Variants in MAP4K3 observed in about 807,000 individuals in gnomAD.
MAP4K3 encodes MAPK/ERK kinase kinase kinase 3.
MAP4K3 carries 94 observed loss-of-function variants against 143.5 expected under a neutral mutation model. The ratio of observed to expected loss-of-function variants is 0.65; its 90% CI spans 0.55 to 0.78. The LOEUF (loss-of-function observed/expected upper bound fraction) is 0.78. MAP4K3 is among the 30% of genes least tolerant of loss of function. The pLI, the probability that MAP4K3 is intolerant of heterozygous loss-of-function variation, is 0.00. For missense variants in MAP4K3, 1,077 were observed against 1,068.1 expected (o/e 1.01, Z -0.12); for synonymous variants, 416 against 347.2 (o/e 1.20, Z -2.20).
intron 1 of MAP4K3, among the ~76,000 whole-genome samples, chr2:39,391,406 T>C (rs1164457876): frequency 7.3e-6 from 1 of 137,262 alleles, no homozygotes; most frequent in Non-Finnish European, 1.6e-5. Flanking sequence ...ATATATACTA[T>C]ACTCTCCTCC....
At chr2:39,321,291 C>T (rs77184743) in intron 12 of MAP4K3, among the ~76,000 whole-genome samples, 1 of 152,046 alleles carries the variant, frequency 6.6e-6, no homozygotes, top group East Asian at 1.9e-4. Flanking sequence ...TCTTATTACC[C>T]CCCAACCCCG....
At chr2:39,290,188 T>G in intron 19 of MAP4K3, 104 bp downstream of exon 19, 1 of 779,404 alleles carries the variant, frequency 1.3e-6, no homozygotes, top group South Asian at 2.3e-5. Context: ...TTCATGATTT[T>G]TCTTTGTGGA....
intron 31 of MAP4K3, among the ~76,000 whole-genome samples, chr2:39,258,006 A>T (rs1005051671): frequency 6.6e-6 from 1 of 151,934 alleles, no homozygotes; most frequent in Non-Finnish European, 1.5e-5. Context: ...ATCTCAACTC[A>T]TTGCAACCTC....
chr2:39,253,344 G>A (rs1680221303), intron 32 of MAP4K3, among the ~76,000 whole-genome samples: 1 of 152,166 alleles, frequency 6.6e-6, no homozygotes, highest in Non-Finnish European at 1.5e-5. Flanking sequence ...ATGTTGGCCA[G>A]GCTGGTTTTG....
intron 28 of MAP4K3, 113 bp downstream of exon 28, chr2:39,265,090 T>C: frequency 2.5e-6 from 2 of 803,336 alleles, no homozygotes; most frequent in Non-Finnish European, 4.0e-6. Flanking sequence ...TGCCACATTA[T>C]CTAAAATCAC....
At chr2:39,432,738 T>C (rs1057188738) in intron 1 of MAP4K3, among the ~76,000 whole-genome samples, 1 of 152,242 alleles carries the variant, frequency 6.6e-6, no homozygotes, top group Admixed American at 6.5e-5. Flanking sequence ...CACGTAATTA[T>C]CTAAATGCAT....
intron 2 of MAP4K3, among the ~76,000 whole-genome samples, chr2:39,373,813 G>T (rs966779286): frequency 6.6e-6 from 1 of 152,116 alleles, no homozygotes; most frequent in Non-Finnish European, 1.5e-5. Context: ...CTTGGTGGGG[G>T]GGTAGAAGGG....
intron 1 of MAP4K3, among the ~76,000 whole-genome samples, chr2:39,435,112 C>T (rs1665417316): frequency 6.6e-6 from 1 of 152,110 alleles, no homozygotes; most frequent in Admixed American, 6.5e-5. Flanking sequence ...AAGCGAACTC[C>T]CCCAACCAGT....
At chr2:39,309,714 C>T (rs571391089) in intron 13 of MAP4K3, among the ~76,000 whole-genome samples, 195 bp from the exon 14 acceptor site, 5 of 151,726 alleles carry the variant, frequency 3.3e-5, no homozygotes, top group Admixed American at 1.3e-4. Flanking sequence ...CCCTCCACCA[C>T]GCCCGGCTGA....
In MAP4K3 at chr2:39,385,796, AT is replaced by A. The variant is rs533314271; in HGVS notation, c.97-7674del. 2.7e-3 allele frequency among the ~76,000 whole-genome samples: 402 copies of A among 151,394 alleles called. 3 individuals are homozygous for A. The highest frequency in any genetic ancestry group is 4.5e-3 in the Admixed American group (68 of 15,190). On this transcript the variant is annotated intron_variant, in intron 1 of 33. Coordinates refer to ENST00000263881, the MANE Select transcript of MAP4K3 (RefSeq NM_003618.4). ...AAGCAACTGCCACCACACCCGGCTA[AT>A]TTTTTTGTATTTTTAGTAGAGATGA...
chr2:39,330,132 C>T (rs1214042731), intron 8 of MAP4K3, among the ~76,000 whole-genome samples: 1 of 151,998 alleles, frequency 6.6e-6, no homozygotes, highest in Admixed American at 6.6e-5. Context: ...CTTCCCAAAA[C>T]TGAAAAGACA....
chr2:39,321,513 T>C (rs554580104), intron 12 of MAP4K3, among the ~76,000 whole-genome samples: 1 of 152,234 alleles, frequency 6.6e-6, no homozygotes, highest in East Asian at 1.9e-4. Flanking sequence ...TTTCTCCCCA[T>C]GTGATAGTCT....
At chr2:39,281,187 A>G (rs1681511400) in intron 22 of MAP4K3, among the ~76,000 whole-genome samples, 1 of 152,204 alleles carries the variant, frequency 6.6e-6, no homozygotes, top group Admixed American at 6.5e-5. Context: ...TGTTGGCCTA[A>G]ATTAAAAGAA....
At chr2:39,370,738 C>A (rs1666058095) in intron 2 of MAP4K3, among the ~76,000 whole-genome samples, 1 of 152,154 alleles carries the variant, frequency 6.6e-6, no homozygotes, top group South Asian at 2.1e-4. Flanking sequence ...GAATGAGTTT[C>A]CCCATTTAGA....
chr2:39,410,983 A>G (rs1262310879), intron 1 of MAP4K3, among the ~76,000 whole-genome samples: 1 of 152,204 alleles, frequency 6.6e-6, no homozygotes, highest in East Asian at 1.9e-4. Context: ...AAAGAACAAA[A>G]TATTTTGATA....
rs757054730 is a variant in MAP4K3, at chr2:39,326,156, G to T, written c.652C>A (p.His218Asn). 1.9e-6 allele frequency: 3 copies of T among 1,613,448 alleles called. No homozygotes were observed. Among genetic ancestry groups the T allele is most frequent in the Admixed American group, 1.7e-5 (1 of 59,918 alleles). The change falls in exon 9 of 34, where the codon CAC (histidine) becomes AAC (asparagine). Residue 218 changes from histidine (H) to asparagine (N), a missense_variant. His to Asn is a moderately conservative substitution (Grantham distance 68, BLOSUM62 1). Around this residue, in one of 2 missense-constraint regions of MAP4K3, gnomAD observed 864 missense variants for 801.2 expected, o/e 1.08. Transcript: ENST00000263881. ...TGATGATGCACTGACCTCATTGGGT[G>T]TAAGTCAAACATAGGAGGCTGAAGC... ...AELQPPMFDLHPMRALFLMTK... is the reference protein window; with the variant it reads ...AELQPPMFDLNPMRALFLMTK...
chr2:39,432,660 T>G (rs887653626), intron 1 of MAP4K3, among the ~76,000 whole-genome samples: 1 of 152,220 alleles, frequency 6.6e-6, no homozygotes, highest in African/African-American at 2.4e-5. Context: ...CTGATTATAA[T>G]GGAAGAATTA....
In MAP4K3 at chr2:39,280,360, G is replaced by A; in HGVS notation, c.1630-4C>T. 21 of 1,575,430 alleles carry A rather than the reference G, an allele frequency of 1.3e-5. No homozygotes were observed. Among genetic ancestry groups the A allele is most frequent in the Non-Finnish European group, 1.7e-5 (20 of 1,150,506 alleles). ...CTTTTGAAAAACATGCACCCATCTA[G>A]GGAAACAAAGAATAACCAATATGAA... is the stretch of plus-strand genomic sequence containing the variant. On this transcript the variant is annotated splice_region_variant and splice_polypyrimidine_tract_variant and intron_variant, in intron 22 of 33. Coordinates refer to ENST00000263881, the MANE Select transcript of MAP4K3 (RefSeq NM_003618.4).
chr2:39,365,706 A>G (rs919667932), intron 2 of MAP4K3, among the ~76,000 whole-genome samples: 5 of 151,004 alleles, frequency 3.3e-5, no homozygotes, highest in Admixed American at 2.6e-4. Flanking sequence ...GGCCTCCCAA[A>G]GTGCTGGGAT....
Sources: allele counts gnomAD v4.1 joint callset (sites outside exome capture counted in the v4.1 genomes callset), GRCh38; gene constraint gnomAD v4.1.1; regional missense constraint gnomAD v4.1.1; transcripts MANE v1.5; gene names NCBI Gene and HGNC (gene_info 2026-07-23, HGNC 2026-07-21).